The following ZBED6 variants were observed in gnomAD, a reference collection of about 807,000 sequenced individuals.
ZBED6 encodes zinc finger BED domain-containing protein 6.
ZBED6 carries 40 observed loss-of-function variants against 58.4 expected under a neutral mutation model. That is an observed-to-expected ratio of 0.68 (90% CI 0.53 to 0.89). The LOEUF (loss-of-function observed/expected upper bound fraction) is 0.89, where lower values mean the gene tolerates loss of function less well. Ranked by LOEUF, ZBED6 falls within the 40% of genes least tolerant of loss-of-function variation. The pLI is 0.00. For missense variants in ZBED6, 1,057 were observed against 1,003.9 expected (o/e 1.05, Z -0.71); for synonymous variants, 439 against 350.6 (o/e 1.25, Z -2.82).
rs766895586 is a variant in ZBED6 at position 203,847,541 on chromosome 1, A to G, written c.*4099A>G. On this transcript the variant is annotated 3_prime_UTR_variant, in exon 12 of 17. Coordinates refer to ENST00000550078, the Ensembl canonical transcript of ZBED6. ...CCTGCAGGTAAAACAAAGTCTATGC[A>G]GGAGGTGCACATCAAGACGCTGGAA... is the stretch of plus-strand genomic sequence containing the variant. The G allele has an allele frequency of 6.2e-7, 1 of 1,614,008 alleles. No individual in the cohort carries two copies. Among genetic ancestry groups the G allele is most frequent in the South Asian group, 1.1e-5 (1 of 91,082 alleles).
chr1:203,799,072 C>T lies in ZBED6; in HGVS notation c.1550C>T (p.Pro517Leu), dbSNP rs774801827. 2.0e-6 allele frequency: 3 copies of T among 1,535,946 alleles called. No homozygotes were observed. In the African/African-American group the frequency reaches 4.1e-5, roughly 21 times the overall value. ...TCTTTTCTCAATAATGGCAGGATCC[C>T]CGATTTTAGAAAGTGGGCAGTGCTT... Residue 517 changes from proline (P) to leucine (L), a missense_variant, in exon 1 of 17, where the codon CCC (proline) becomes CTC (leucine). Physicochemically the swap from Pro to Leu is moderately conservative, Grantham distance 98. Transcript: ENST00000550078.
At chr1:203,800,015 A>G (rs1670053901) in exon 1 of ZBED6, 1 of 1,535,934 alleles carries the variant, frequency 6.5e-7, no homozygotes, top group African/African-American at 1.4e-5. Flanking sequence ...CATTTACCTC[A>G]TCTCTAAAAG....
chr1:203,834,013 T>G, intron 9 of ZBED6, 160 bp downstream of exon 9: 3 of 1,296,072 alleles, frequency 2.3e-6, no homozygotes, highest in Non-Finnish European at 2.9e-6. Context: ...CATTATACCT[T>G]TTATTGAAGA....
exon 1 of ZBED6, chr1:203,798,133 C>G: frequency 6.5e-7 from 1 of 1,536,098 alleles, no homozygotes; most frequent in Non-Finnish European, 8.7e-7. Context: ...TTGGATGTGT[C>G]TTTATCTCCC....
intron 3 of ZBED6, among the ~76,000 whole-genome samples, chr1:203,824,756 G>C (rs556610663): frequency 6.6e-6 from 1 of 152,214 alleles, no homozygotes; most frequent in East Asian, 1.9e-4. Context: ...TTGCTGAGTA[G>C]AAGAAAGCTG....
At chr1:203,833,204 C>T (rs12756017) in intron 8 of ZBED6, among the ~76,000 whole-genome samples, 15,736 of 152,006 alleles carry the variant, frequency 0.1, 1,102 homozygotes, top group Non-Finnish European at 0.15. Context: ...CTTGTCTCTA[C>T]TAAAAATACA....
chr1:203,816,029 C>T (rs142983012), intron 1 of ZBED6, among the ~76,000 whole-genome samples: 16 of 152,234 alleles, frequency 1.1e-4, no homozygotes, highest in Non-Finnish European at 1.9e-4. Context: ...CACCTCTAGT[C>T]GTCTTCATTA....
At chr1:203,816,350 C>T (rs1240577606) in intron 1 of ZBED6, among the ~76,000 whole-genome samples, 7 of 152,022 alleles carry the variant, frequency 4.6e-5, no homozygotes, top group African/African-American at 1.5e-4. Flanking sequence ...TCAGGCTGGG[C>T]GGGATGGCTC....
In ZBED6 at chr1:203,835,296, C is replaced by T. The variant is rs945382826; in HGVS notation, c.*3573+1443C>T. Among the ~76,000 whole-genome samples, 8 of 152,160 alleles carry T rather than the reference C, an allele frequency of 5.3e-5. No homozygotes were observed. The South Asian group carries it at 1.7e-3, about 32-fold the overall frequency. ...TTGGCAACCATGAGTAAACCATGCA[C>T]AATGCTTGGCACTTGATATCAGTAA... On this transcript the variant is annotated intron_variant, in intron 9 of 16. Transcript: ENST00000550078.
At chr1:203,849,859 A>G in exon 14 of ZBED6, 10 of 1,614,108 alleles carry the variant, frequency 6.2e-6, no homozygotes, top group South Asian at 1.1e-5. Flanking sequence ...TGCAATACCC[A>G]AGTGGCAGAG....
At chr1:203,833,913 C>A in intron 9 of ZBED6, 60 bp downstream of exon 9, 1 of 1,547,136 alleles carries the variant, frequency 6.5e-7, no homozygotes, top group Non-Finnish European at 8.8e-7. Flanking sequence ...AACATGATAG[C>A]TTCTCCAAAC....
At chr1:203,846,110 T>C (rs1687816207) in intron 11 of ZBED6, among the ~76,000 whole-genome samples, 1 of 127,506 alleles carries the variant, frequency 7.8e-6, no homozygotes, top group Admixed American at 7.9e-5. Flanking sequence ...AGACCTCGTC[T>C]TTACCAAAAA....
At position 203,821,906 on chromosome 1, in the gene ZBED6, C is replaced by T. The variant is rs543701699; in HGVS notation, c.*2873+3217C>T. ...CCGAGTAGCTGGGATTACAGGTGCC[C>T]GCCACCACGCCCGGCTAATTTTTTG... On this transcript the variant is annotated intron_variant, in intron 3 of 16. Transcript: ENST00000550078. Among the ~76,000 whole-genome samples, 11 of 151,974 alleles carry T rather than the reference C, an allele frequency of 7.2e-5. No homozygotes were observed. In the East Asian group the frequency reaches 7.7e-4, roughly 11 times the overall value.
chr1:203,846,169 G>T (rs1020563611), intron 11 of ZBED6, among the ~76,000 whole-genome samples: 6 of 145,110 alleles, frequency 4.1e-5, no homozygotes, highest in Admixed American at 6.8e-5. Flanking sequence ...TTGGGGGGGG[G>T]GTTCATTAAA....
chr1:203,820,263 A>C (rs1483211520), intron 3 of ZBED6, among the ~76,000 whole-genome samples: 1 of 151,460 alleles, frequency 6.6e-6, no homozygotes, highest in Non-Finnish European at 1.5e-5. Context: ...GCCCAAATTC[A>C]AGTGTTGCAC....
At chr1:203,830,744 G>A (rs886603221) in intron 7 of ZBED6, among the ~76,000 whole-genome samples, 3 of 151,932 alleles carry the variant, frequency 2.0e-5, no homozygotes, top group Non-Finnish European at 4.4e-5. Context: ...AGGAGGCAGA[G>A]GTTGCAGTGA....
chr1:203,834,330 G>A (rs1683481314), intron 9 of ZBED6, among the ~76,000 whole-genome samples: 1 of 152,150 alleles, frequency 6.6e-6, no homozygotes, highest in Admixed American at 6.5e-5. Flanking sequence ...GGAGTGCAGT[G>A]GTGCAATCTC....
At chr1:203,848,269 A>T in intron 12 of ZBED6, 62 bp from the exon 13 acceptor site, 1 of 1,376,852 alleles carries the variant, frequency 7.3e-7, no homozygotes, top group Non-Finnish European at 1.0e-6. Context: ...TTTGTTTAAC[A>T]TATCTATCAT....
intron 11 of ZBED6, among the ~76,000 whole-genome samples, chr1:203,843,018 G>C (rs1284578080): frequency 1.3e-5 from 2 of 151,274 alleles, no homozygotes; most frequent in African/African-American, 4.9e-5. Flanking sequence ...AGCCACCTTA[G>C]GTTACTTTTT....
Sources: gnomAD v4.1 joint callset for allele counts (sites outside exome capture counted in the v4.1 genomes callset) on GRCh38, gnomAD v4.1.1 for gene constraint, MANE v1.5 for transcripts, NCBI Gene and HGNC (gene_info 2026-07-23, HGNC 2026-07-21) for gene names.